Variants in BTBD9 observed in about 807,000 individuals in gnomAD.
BTBD9 encodes BTB/POZ domain-containing protein 9.
Under a neutral mutation model 64.3 loss-of-function variants are expected in BTBD9, and 49 were observed. The ratio of observed to expected loss-of-function variants is 0.76; its 90% confidence interval spans 0.61 to 0.97. BTBD9 has a LOEUF of 0.97. Among genes scored for constraint, BTBD9 ranks in the 50% least tolerant of loss-of-function variants. BTBD9 has a pLI of 0.00. For missense variants in BTBD9, 598 were observed against 762.1 expected, an observed-to-expected ratio of 0.78 and a Z score of 2.53; for synonymous variants, 260 against 274.7, an observed-to-expected ratio of 0.95 and a Z score of 0.53.
chr6:38,171,246 T>C lies in BTBD9; in HGVS notation c.*3739A>G, dbSNP rs1165991285. On this transcript the variant is annotated 3_prime_UTR_variant, in exon 11 of 11. Coordinates refer to ENST00000481247, the MANE Select transcript of BTBD9 (RefSeq NM_001099272.2). ...GGGCTGGAGCCATCTGCACAGCAGT[T>C]TGACAACTGGGGCGACAGCATAATA... 1 of 152,228 alleles carries C rather than the reference T, an allele frequency of 6.6e-6. No individual in the cohort carries two copies. Among genetic ancestry groups the C allele is most frequent in the Non-Finnish European group, 1.5e-5 (1 of 68,038 alleles). The allele number at this position is 152,228 out of a possible 1,614,324, so 9.4% of individuals were successfully genotyped here.
At position 38,288,445 on chromosome 6, in the gene BTBD9, A is replaced by C. The variant is rs1448847907; in HGVS notation, c.1281T>G (p.Val427=). The change falls in exon 8 of 11, where the codon GTT becomes GTG. Residue 427 remains valine, a synonymous_variant. Coordinates refer to ENST00000481247, the MANE Select transcript of BTBD9 (RefSeq NM_001099272.2). ...EKGLIVPMEN[V]ATIADCASVI... ...CACTGGCACAATCAGCAATTGTTGC[A>C]ACATTCTCCATGGGAACTGTGAATC... 1 of 1,613,978 alleles carries C rather than the reference A, an allele frequency of 6.2e-7. No homozygotes were observed. Among genetic ancestry groups the C allele is most frequent in the South Asian group, 1.1e-5 (1 of 91,062 alleles).
intron 6 of BTBD9, among the ~76,000 whole-genome samples, chr6:38,534,674 A>C (rs1311196453): frequency 6.6e-6 from 1 of 152,088 alleles, no homozygotes; most frequent in Non-Finnish European, 1.5e-5. Context: ...AAGTTCATTC[A>C]TCATGACTGG....
intron 6 of BTBD9, among the ~76,000 whole-genome samples, chr6:38,572,870 G>A (rs1775840265): frequency 6.6e-6 from 1 of 151,266 alleles, no homozygotes; most frequent in Admixed American, 6.6e-5. Context: ...TACCAAGCCA[G>A]AAATCATTTA....
Position 38,442,800 on chromosome 6 carries a change from G to T in BTBD9, c.1155-97707C>A, listed in dbSNP as rs139464166. On this transcript the variant is annotated intron_variant, in intron 6 of 10. Coordinates refer to ENST00000481247, the MANE Select transcript of BTBD9 (RefSeq NM_001099272.2). The stretch of plus-strand genomic sequence containing the variant: ...TTCTCCTGCCTCAGCCTCCTGAGTA[G>T]CTGGGATTACAGGCATGTGCCACCA... Among the ~76,000 whole-genome samples the T allele has an allele frequency of 2.7e-4, 40 of 150,708 alleles. No individual in the cohort carries two copies. In the East Asian group the frequency reaches 7.7e-3, roughly 29 times the overall value.
chr6:38,564,419 A>T (rs1476562627), intron 6 of BTBD9, among the ~76,000 whole-genome samples: 1 of 152,116 alleles, frequency 6.6e-6, no homozygotes, highest in Non-Finnish European at 1.5e-5. Context: ...CATTGAGGAG[A>T]TCAAAAATTC....
intron 6 of BTBD9, among the ~76,000 whole-genome samples, chr6:38,440,180 A>G (rs190534325): frequency 3.0e-4 from 45 of 152,286 alleles, no homozygotes; most frequent in Non-Finnish European, 5.4e-4. Flanking sequence ...GACTTGATTG[A>G]GGTCACCAAA....
At chr6:38,417,798 G>GAA (rs1156380529) in intron 6 of BTBD9, among the ~76,000 whole-genome samples, 16 of 103,616 alleles carry the variant, frequency 1.5e-4, no homozygotes, top group South Asian at 5.6e-4. Context: ...GAGAGAGAGA[G>GAA]AGAAAAAAAA....
At chr6:38,343,268 A>T (rs1457571030) in intron 7 of BTBD9, among the ~76,000 whole-genome samples, 1 of 152,214 alleles carries the variant, frequency 6.6e-6, no homozygotes, top group Non-Finnish European at 1.5e-5. Flanking sequence ...ATGCATGCCA[A>T]CAACAGCACC....
chr6:38,578,001 T>G (rs1776130169), intron 5 of BTBD9, among the ~76,000 whole-genome samples: 1 of 152,178 alleles, frequency 6.6e-6, no homozygotes, highest in African/African-American at 2.4e-5. Flanking sequence ...TACACAGTGC[T>G]TGGCACATCA....
chr6:38,569,801 A>C (rs910994770), intron 6 of BTBD9, among the ~76,000 whole-genome samples: 1 of 150,470 alleles, frequency 6.6e-6, no homozygotes, highest in African/African-American at 2.4e-5. Context: ...TTTTTTTGCT[A>C]TTGTTGTTGT....
rs138715525 is a variant in BTBD9 at position 38,475,656 on chromosome 6, A to G, written c.1154+101944T>C. ...GGAATGTAATATTTGTTGACTGCCC[A>G]GAATGAACAAGTTATTCCAATATAA... On this transcript the variant is annotated intron_variant, in intron 6 of 10. Coordinates refer to ENST00000481247, the MANE Select transcript of BTBD9 (RefSeq NM_001099272.2). 2.6e-5 allele frequency among the ~76,000 whole-genome samples: 4 copies of G among 152,358 alleles called. No homozygotes were observed. In the East Asian group the frequency reaches 7.7e-4, roughly 29 times the overall value.
intron 7 of BTBD9, among the ~76,000 whole-genome samples, chr6:38,332,885 T>C (rs1205075625): frequency 6.6e-6 from 1 of 152,236 alleles, no homozygotes; most frequent in Admixed American, 6.5e-5. Flanking sequence ...GTAACTTTTT[T>C]CCAAGGTAGG....
At chr6:38,487,007 CAA>C (rs888446025) in intron 6 of BTBD9, among the ~76,000 whole-genome samples, 6 of 152,174 alleles carry the variant, frequency 3.9e-5, no homozygotes, top group African/African-American at 1.4e-4. Context: ...CTTATGTTTA[CAA>C]GAGAGAGTTG....
rs185730802 is a variant in BTBD9, at chr6:38,581,721, T to C, written c.815-1284A>G. 1.6e-4 allele frequency among the ~76,000 whole-genome samples: 24 copies of C among 152,302 alleles called. No individual in the cohort carries two copies. In the East Asian group the frequency reaches 4.4e-3, roughly 28 times the overall value. On this transcript the variant is annotated intron_variant, in intron 4 of 10. Transcript: ENST00000481247. ...AGCCAGGTGCATCACTTTGAAGAAGTTTCCCTCTCTCAACTTCCATTTCTC... is the reference window on the plus strand; with the variant it reads ...AGCCAGGTGCATCACTTTGAAGAAGCTTCCCTCTCTCAACTTCCATTTCTC...
At chr6:38,603,815 A>T (rs555294879) in intron 1 of BTBD9, among the ~76,000 whole-genome samples, 1 of 152,214 alleles carries the variant, frequency 6.6e-6, no homozygotes, top group Non-Finnish European at 1.5e-5. Context: ...CCTTCTCTTG[A>T]GGAAAGAGAT....
chr6:38,494,272 A>G (rs2127393866), intron 6 of BTBD9, among the ~76,000 whole-genome samples: 1 of 152,326 alleles, frequency 6.6e-6, no homozygotes, highest in East Asian at 1.9e-4. Context: ...ATCTCAGCAC[A>G]TATTTTCAAT....
At chr6:38,466,054 C>T (rs1294738260) in intron 6 of BTBD9, among the ~76,000 whole-genome samples, 1 of 151,090 alleles carries the variant, frequency 6.6e-6, no homozygotes, top group East Asian at 2.0e-4. Flanking sequence ...TTCAAGTGAT[C>T]CTCCTGCCTC....
chr6:38,503,692 ACACTCCTGGCTCACTTTTCCTC>A (rs1047992581), intron 6 of BTBD9, among the ~76,000 whole-genome samples: 2 of 152,066 alleles, frequency 1.3e-5, no homozygotes, highest in African/African-American at 4.8e-5. Context: ...CTAAAAACTT[ACACTCCTGGCTCACTTTTCCTC>A]CACTCCTACT....
At chr6:38,374,307 G>GTATATATATATA (rs1326025092) in intron 6 of BTBD9, among the ~76,000 whole-genome samples, 2 of 59,122 alleles carry the variant, frequency 3.4e-5, no homozygotes, top group African/African-American at 1.6e-4. Context: ...GTATATATAT[G>GTATATATATATA]TATATATATA....
Sources: allele counts gnomAD v4.1 joint callset (sites outside exome capture counted in the v4.1 genomes callset), GRCh38; gene constraint gnomAD v4.1.1; transcripts MANE v1.5; gene names NCBI Gene and HGNC (gene_info 2026-07-23, HGNC 2026-07-21).